The following LAMA1 variants were observed in gnomAD, a reference collection of about 807,000 sequenced individuals.
LAMA1 encodes the protein laminin subunit alpha 1.
In LAMA1, 219 loss-of-function variants were observed where a neutral mutation model predicts 348.7. That is an observed-to-expected ratio of 0.63 (90% CI 0.56 to 0.70). The LOEUF (loss-of-function observed/expected upper bound fraction) is 0.70, where lower values mean the gene tolerates loss of function less well. LAMA1 is among the 30% of genes least tolerant of loss of function. LAMA1 has a pLI of 0.00. For missense variants in LAMA1, 3,744 were observed against 3,888.0 expected (o/e 0.96, Z 0.99); for synonymous variants, 1,487 against 1,491.0 (o/e 1.00, Z 0.06).
chr18:7,083,760 CAAGATGAAAG>C (rs1451024266), intron 1 of LAMA1, among the ~76,000 whole-genome samples: 4 of 151,888 alleles, frequency 2.6e-5, no homozygotes, highest in South Asian at 2.1e-4. Flanking sequence ...ACATCTGTTC[CAAGATGAAAG>C]AAGATGAAAG....
At chr18:6,976,786 T>C (rs1390997293) in intron 44 of LAMA1, among the ~76,000 whole-genome samples, 1 of 151,984 alleles carries the variant, frequency 6.6e-6, no homozygotes, top group Non-Finnish European at 1.5e-5. Context: ...TTATTATTTT[T>C]TTTAGTAGAG....
Position 6,992,712 on chromosome 18 carries a change from C to T in LAMA1, c.5017G>A (p.Glu1673Lys), listed in dbSNP as rs762036854. 12 of 1,612,802 alleles carry T rather than the reference C, an allele frequency of 7.4e-6. No individual in the cohort carries two copies. The highest frequency in any genetic ancestry group is 9.3e-6 in the Non-Finnish European group (11 of 1,178,908). The stretch of plus-strand genomic sequence containing the variant: ...AAAGTCTGATTTAAAGTTGTCTTTT[C>T]CATAATTTCTATGGAGAAAATTCAT... ...RLQMSITEIM[E>K]KTTLNQTLDE... The change falls in exon 36 of 63, where the codon GAA (glutamate) becomes AAA (lysine). Residue 1673 changes from glutamate to lysine, a missense_variant. By Grantham distance (56) the Glu-to-Lys change is moderately conservative (BLOSUM62 1). This residue lies in a region of LAMA1 where 1,983 missense variants were observed against 1,934.3 expected (regional missense o/e 1.03). Coordinates refer to ENST00000389658, the MANE Select transcript of LAMA1 (RefSeq NM_005559.4).
intron 1 of LAMA1, among the ~76,000 whole-genome samples, chr18:7,098,347 C>T (rs995144864): frequency 6.6e-6 from 1 of 151,274 alleles, no homozygotes; most frequent in Non-Finnish European, 1.5e-5. Flanking sequence ...GCCTGGCTGC[C>T]CAGTCTGGAA....
intron 19 of LAMA1, among the ~76,000 whole-genome samples, chr18:7,021,828 A>AT (rs752910480): frequency 4.6e-4 from 64 of 137,998 alleles, no homozygotes; most frequent in African/African-American, 1.8e-3. Context: ...TATATTATAT[A>AT]ATATAATAAT....
intron 13 of LAMA1, among the ~76,000 whole-genome samples, chr18:7,034,907 C>T (rs2057987577): frequency 6.6e-6 from 1 of 152,130 alleles, no homozygotes; most frequent in African/African-American, 2.4e-5. Context: ...AAACTGAAAG[C>T]CTGTGTACTT....
chr18:7,008,346 C>T, intron 28 of LAMA1, 142 bp downstream of exon 28: 1 of 987,758 alleles, frequency 1.0e-6, no homozygotes, highest in Non-Finnish European at 1.5e-6. Context: ...TACATTTTAC[C>T]AAAATTAATT....
At position 6,986,291 on chromosome 18, in the gene LAMA1, T is replaced by C; in HGVS notation, c.5225A>G (p.Glu1742Gly). ...IQENYQKPLEELEVLKEAASH... is the reference protein window; with the variant it reads ...IQENYQKPLEGLEVLKEAASH... ...TGCTGCTTCTTTCAATACCTCCAAT[T>C]CTTCCAGCGGCTTCTGGTAATTTTC... The change falls in exon 37 of 63, where the codon GAA (glutamate) becomes GGA (glycine). Residue 1742 changes from glutamate to glycine, a missense_variant. Coordinates refer to ENST00000389658, the MANE Select transcript of LAMA1 (RefSeq NM_005559.4). 1.2e-6 allele frequency: 2 copies of C among 1,614,212 alleles called. No homozygotes were observed. The highest frequency in any genetic ancestry group is 1.7e-6 in the Non-Finnish European group (2 of 1,180,036).
At chr18:7,031,869 T>C (rs1479347267) in intron 16 of LAMA1, among the ~76,000 whole-genome samples, 197 bp downstream of exon 16, 1 of 131,102 alleles carries the variant, frequency 7.6e-6, no homozygotes, top group African/African-American at 3.0e-5. Flanking sequence ...ATTACCAAAG[T>C]AACTTTTTTC....
Position 7,017,270 on chromosome 18 carries a change from C to T in LAMA1, c.2808+8G>A. ...GGCTAAGGTGTCAATTAGTCACATG[C>T]ATCTTACCAAGCACTGGTCACACTG... On this transcript the variant is annotated splice_region_variant and intron_variant, in intron 20 of 62. Transcript: ENST00000389658. 1 of 1,605,980 alleles carries T rather than the reference C, an allele frequency of 6.2e-7. No homozygotes were observed. The highest frequency in any genetic ancestry group is 1.1e-5 in the South Asian group (1 of 90,420).
intron 41 of LAMA1, among the ~76,000 whole-genome samples, chr18:6,982,210 T>G (rs2057714915): frequency 6.6e-6 from 1 of 152,046 alleles, no homozygotes; most frequent in Non-Finnish European, 1.5e-5. Context: ...CAGTGAAGGC[T>G]CCAAGCTAAG....
At chr18:6,950,365 T>C (rs2057540984) in intron 58 of LAMA1, among the ~76,000 whole-genome samples, 1 of 152,250 alleles carries the variant, frequency 6.6e-6, no homozygotes, top group Non-Finnish European at 1.5e-5. Context: ...TTAGTGCATT[T>C]GCTTTTCTGG....
chr18:6,954,139 G>A (rs1167556476), intron 57 of LAMA1: 2 of 152,238 alleles, frequency 1.3e-5, no homozygotes, highest in Non-Finnish European at 2.9e-5. Context: ...ACATATTAGA[G>A]CAATGCACTG....
At position 6,949,058 on chromosome 18, in the gene LAMA1, A is replaced by G. The variant is rs746163645; in HGVS notation, c.8556+43T>C. 5 of 1,612,896 alleles carry G rather than the reference A, an allele frequency of 3.1e-6. No homozygotes were observed. The Admixed American group carries it at 5.0e-5, about 16-fold the overall frequency. ...TATGCTCTTCTACAAAATAAACACGAACACAACGAAGGTAAAATGTCAGTA... is the reference window on the plus strand; with the variant it reads ...TATGCTCTTCTACAAAATAAACACGGACACAACGAAGGTAAAATGTCAGTA... On this transcript the variant is annotated intron_variant, in intron 59 of 62. Transcript: ENST00000389658.
Position 7,050,927 on chromosome 18 carries a change from C to T in LAMA1, c.355G>A (p.Val119Ile), listed in dbSNP as rs2058060299. 6.2e-7 allele frequency: 1 copy of T among 1,614,038 alleles called. No homozygotes were observed. The highest frequency in any genetic ancestry group is 8.5e-7 in the Non-Finnish European group (1 of 1,180,010). ...ITLDLRQVFQVAYVIIKAANA... is the reference protein window; with the variant it reads ...ITLDLRQVFQIAYVIIKAANA... ...GCAGCTTTAATGATGACATATGCAA[C>T]TTGAAAGACCTGAAACAAAGACACT... The change falls in exon 4 of 63, where the codon GTT becomes ATT. Residue 119 changes from valine (V) to isoleucine (I), a missense_variant. Physicochemically the swap from Val to Ile is conservative, Grantham distance 29. Transcript: ENST00000389658.
intron 33 of LAMA1, 85 bp downstream of exon 33, chr18:6,997,657 C>A: frequency 7.0e-7 from 1 of 1,433,604 alleles, no homozygotes; most frequent in Non-Finnish European, 9.8e-7. Context: ...GTGGGGAGGA[C>A]ACATGGAATG....
chr18:6,974,455 CTTTTTTT>C (rs1213269695), intron 46 of LAMA1, among the ~76,000 whole-genome samples: 2 of 128,282 alleles, frequency 1.6e-5, no homozygotes, highest in Non-Finnish European at 1.7e-5. Context: ...TATTTCTTTT[CTTTTTTT>C]TTTTTTTTTT....
At chr18:7,111,655 C>T (rs1464186299) in intron 1 of LAMA1, among the ~76,000 whole-genome samples, 6 of 152,222 alleles carry the variant, frequency 3.9e-5, no homozygotes, top group Middle Eastern at 3.4e-3. Flanking sequence ...TTTTCCTCCT[C>T]GTTAATTTTG....
chr18:6,972,065 T>C, intron 47 of LAMA1, 84 bp from the exon 48 acceptor site: 4 of 1,545,058 alleles, frequency 2.6e-6, no homozygotes, highest in Non-Finnish European at 3.5e-6. Context: ...AACTTCTCTC[T>C]GGGAGCTTCA....
At chr18:6,966,036 G>T in intron 49 of LAMA1, 111 bp downstream of exon 49, 2 of 1,163,940 alleles carry the variant, frequency 1.7e-6, no homozygotes, top group Non-Finnish European at 2.5e-6. Flanking sequence ...AAAATTGTAT[G>T]GTATACATAT....
Sources: gnomAD v4.1 joint callset for allele counts (sites outside exome capture counted in the v4.1 genomes callset) on GRCh38, gnomAD v4.1.1 for gene constraint, gnomAD v4.1.1 regional missense constraint, MANE v1.5 for transcripts, NCBI Gene and HGNC (gene_info 2026-07-23, HGNC 2026-07-21) for gene names.